CECR2: variants seen among roughly 807,000 people sequenced by gnomAD.
The protein encoded by CECR2 is CECR2 histone acetyl-lysine reader.
CECR2 carries 30 observed loss-of-function variants against 154.5 expected under a neutral mutation model. The ratio of observed to expected loss-of-function variants is 0.19; its 90% CI spans 0.15 to 0.26. The LOEUF is 0.26. Among genes scored for constraint, CECR2 ranks in the 10% least tolerant of loss-of-function variants. The probability of loss-of-function intolerance (pLI) is 1.00; values close to 1 mark genes in which losing one functional copy is unlikely to be tolerated. For missense variants in CECR2, 1,743 were observed against 1,829.3 expected (o/e 0.95, Z 0.86); for synonymous variants, 725 against 683.7 (o/e 1.06, Z -0.94).
chr22:17,406,241 C>A (rs1454865944), intron 1 of CECR2, among the ~76,000 whole-genome samples: 1 of 152,188 alleles, frequency 6.6e-6, no homozygotes, highest in Non-Finnish European at 1.5e-5. Context: ...ATGTGTAGGA[C>A]CGGGCATGGT....
intron 1 of CECR2, among the ~76,000 whole-genome samples, chr22:17,387,263 T>G (rs56080843): frequency 0.084 from 12,744 of 152,270 alleles, 635 homozygotes; most frequent in East Asian, 0.17. Context: ...CAGCTGTACC[T>G]GCCCCTCCTT....
intron 1 of CECR2, among the ~76,000 whole-genome samples, chr22:17,451,390 A>G (rs534809326): frequency 6.6e-6 from 1 of 152,304 alleles, no homozygotes; most frequent in Admixed American, 6.5e-5. Flanking sequence ...TACTAGGTTA[A>G]TTTATATGAA....
intron 1 of CECR2, among the ~76,000 whole-genome samples, chr22:17,471,323 T>C (rs1234194553): frequency 6.6e-6 from 1 of 152,196 alleles, no homozygotes; most frequent in Non-Finnish European, 1.5e-5. Context: ...TCTCTGGCCA[T>C]GCTTGTCCAG....
intron 1 of CECR2, among the ~76,000 whole-genome samples, chr22:17,387,402 G>A (rs1265934355): frequency 6.6e-6 from 1 of 152,214 alleles, no homozygotes; most frequent in African/African-American, 2.4e-5. Context: ...TATCGAGTTA[G>A]CGTGGAAAAG....
chr22:17,439,901 C>G (rs1458544902), intron 1 of CECR2, among the ~76,000 whole-genome samples: 2 of 151,738 alleles, frequency 1.3e-5, no homozygotes, highest in African/African-American at 4.8e-5. Flanking sequence ...ATTAGCCCAC[C>G]TTTTAATAGA....
intron 1 of CECR2, among the ~76,000 whole-genome samples, chr22:17,436,126 TTTTTTATA>T (rs1206602121): frequency 2.0e-5 from 3 of 152,052 alleles, no homozygotes; most frequent in African/African-American, 7.2e-5. Flanking sequence ...GCTCAGTTAA[TTTTTTATA>T]TTTTTAGTAG....
Position 17,499,397 on chromosome 22 carries a change from G to A in CECR2, c.406-13G>A, listed in dbSNP as rs768499585. On this transcript the variant is annotated splice_polypyrimidine_tract_variant and intron_variant, in intron 3 of 18. Coordinates refer to ENST00000262608, the MANE Select transcript of CECR2 (RefSeq NM_001290047.2). ...CCCCATTTCCCCAAACCCCTTTTCC[G>A]TGCTCTGTGTAGGGCCTGGATGCAG... 8 of 1,602,180 alleles carry A rather than the reference G, an allele frequency of 5.0e-6. No homozygotes were observed. The highest frequency in any genetic ancestry group is 3.5e-5 in the Admixed American group (2 of 56,450).
At chr22:17,372,161 C>T (rs1471205535) in intron 1 of CECR2, among the ~76,000 whole-genome samples, 1 of 152,284 alleles carries the variant, frequency 6.6e-6, no homozygotes, top group Admixed American at 6.5e-5. Context: ...TTCAAACATG[C>T]AGGTTTTAAG....
upstream of CECR2, among the ~76,000 whole-genome samples, chr22:17,365,557 G>T (rs532957951): frequency 6.6e-6 from 1 of 152,034 alleles, no homozygotes; most frequent in Non-Finnish European, 1.5e-5. Context: ...TCAGCCAGGC[G>T]TGGTGGTGGG....
chr22:17,491,945 G>A (rs550303958), intron 2 of CECR2, among the ~76,000 whole-genome samples: 12 of 152,246 alleles, frequency 7.9e-5, no homozygotes, highest in African/African-American at 2.9e-4. Flanking sequence ...GTTGATTTTA[G>A]TATGTGGGAT....
At chr22:17,396,462 G>A (rs748061938) in intron 1 of CECR2, among the ~76,000 whole-genome samples, 2 of 152,144 alleles carry the variant, frequency 1.3e-5, no homozygotes, top group Non-Finnish European at 2.9e-5. Context: ...AGGGAGAATC[G>A]CTTGAACCCG....
At chr22:17,405,651 A>C (rs1188904943) in intron 1 of CECR2, among the ~76,000 whole-genome samples, 3 of 123,602 alleles carry the variant, frequency 2.4e-5, no homozygotes, top group African/African-American at 1.2e-4. Flanking sequence ...AAAAAAAAAA[A>C]AAAAAAAAAA....
At chr22:17,515,367 GCTC>G in intron 8 of CECR2, among the ~76,000 whole-genome samples, 1 of 152,338 alleles carries the variant, frequency 6.6e-6, no homozygotes, top group East Asian at 1.9e-4. Flanking sequence ...GCCGGTGCAG[GCTC>G]CCACCTGCCC....
At chr22:17,534,531 G>A (rs1168749805) in intron 9 of CECR2, among the ~76,000 whole-genome samples, 3 of 151,432 alleles carry the variant, frequency 2.0e-5, no homozygotes, top group Non-Finnish European at 2.9e-5. Context: ...TTTTTGAGAC[G>A]GAGTCTCACT....
chr22:17,375,306 G>A (rs2063105406), intron 1 of CECR2, among the ~76,000 whole-genome samples: 2 of 151,750 alleles, frequency 1.3e-5, no homozygotes, highest in Admixed American at 1.3e-4. Flanking sequence ...TACAGACGGG[G>A]GTTTCTCGAT....
chr22:17,504,837 T>A lies in CECR2; in HGVS notation c.701-10T>A, dbSNP rs1301919880. On this transcript the variant is annotated splice_polypyrimidine_tract_variant and intron_variant, in intron 6 of 18. Coordinates refer to ENST00000262608, the MANE Select transcript of CECR2 (RefSeq NM_001290047.2). ...ATCTCCTGTAGTGAATCCGTTCCTT[T>A]ATTTTCTAGGGTCCCAAGGGCCAGG... 1 of 1,610,086 alleles carries A rather than the reference T, an allele frequency of 6.2e-7. No homozygotes were observed. The highest frequency in any genetic ancestry group is 1.3e-5 in the African/African-American group (1 of 74,542).
rs556441102 is a variant in CECR2, at chr22:17,493,323, C to A, written c.222-4080C>A. On this transcript the variant is annotated intron_variant, in intron 2 of 18. Coordinates refer to ENST00000262608, the MANE Select transcript of CECR2 (RefSeq NM_001290047.2). Reference sequence around the variant, plus strand: ...GAAAGTACATGCAAAATTGTGTGCTCATTTTTCTGGGGGAGAAAGTATGTA... The same window carrying A: ...GAAAGTACATGCAAAATTGTGTGCTAATTTTTCTGGGGGAGAAAGTATGTA... Among the ~76,000 whole-genome samples, 39 of 152,266 alleles carry A rather than the reference C, an allele frequency of 2.6e-4. No homozygotes were observed. In the South Asian group the frequency reaches 7.7e-3, roughly 30 times the overall value.
At chr22:17,451,234 A>G (rs532693457) in intron 1 of CECR2, among the ~76,000 whole-genome samples, 23 of 152,330 alleles carry the variant, frequency 1.5e-4, no homozygotes, top group African/African-American at 4.6e-4. Flanking sequence ...CTTCACTTCA[A>G]TTGGCAGCCA....
chr22:17,503,297 C>T (rs2055773765), intron 6 of CECR2, among the ~76,000 whole-genome samples, 166 bp downstream of exon 6: 1 of 152,190 alleles, frequency 6.6e-6, no homozygotes, highest in Non-Finnish European at 1.5e-5. Flanking sequence ...TTATCCTGTG[C>T]CCAGCTCATC....
Sources: allele counts gnomAD v4.1 joint callset (sites outside exome capture counted in the v4.1 genomes callset), GRCh38; gene constraint gnomAD v4.1.1; transcripts MANE v1.5; gene names NCBI Gene and HGNC (gene_info 2026-07-23, HGNC 2026-07-21).